APBA1: variants seen among roughly 807,000 people sequenced by gnomAD.
APBA1 encodes amyloid-beta A4 precursor protein-binding family A member 1.
Under a neutral mutation model 86.6 loss-of-function variants are expected in APBA1, and 55 were observed. That is an observed-to-expected ratio of 0.64 (90% CI 0.51 to 0.80). The LOEUF (loss-of-function observed/expected upper bound fraction) is 0.80, where lower values mean the gene tolerates loss of function less well. Ranked by LOEUF, APBA1 falls within the 30% of genes least tolerant of loss-of-function variation. The pLI is 0.00. For synonymous variants in APBA1, 511 were observed against 493.9 expected (o/e 1.03, Z -0.46); for missense variants, 1,090 against 1,183.0 (o/e 0.92, Z 1.15).
intron 1 of APBA1, among the ~76,000 whole-genome samples, chr9:69,663,374 C>A (rs886589197): frequency 3.0e-4 from 45 of 152,352 alleles, no homozygotes; most frequent in African/African-American, 1.0e-3. Flanking sequence ...GAATGCAACC[C>A]ACTTTAGTAA....
intron 1 of APBA1, among the ~76,000 whole-genome samples, chr9:69,518,910 T>C (rs144892017): frequency 1.1e-4 from 16 of 152,284 alleles, no homozygotes; most frequent in African/African-American, 3.6e-4. Flanking sequence ...CAAGTCCACA[T>C]TCAAGCAGAA....
chr9:69,460,636 A>AG (rs1835175495), intron 5 of APBA1: 1 of 151,308 alleles, frequency 6.6e-6, no homozygotes, highest in African/African-American at 2.4e-5. Flanking sequence ...AGGTTCCACC[A>AG]TCACTGGAGT....
At chr9:69,495,699 A>T (rs1042155898) in intron 2 of APBA1, among the ~76,000 whole-genome samples, 1 of 152,068 alleles carries the variant, frequency 6.6e-6, no homozygotes, top group Non-Finnish European at 1.5e-5. Context: ...TCGGCTCTGA[A>T]TTGCTACCAG....
At chr9:69,493,050 C>T (rs1293582644) in intron 2 of APBA1, among the ~76,000 whole-genome samples, 1 of 152,050 alleles carries the variant, frequency 6.6e-6, no homozygotes, top group Non-Finnish European at 1.5e-5. Flanking sequence ...CAATATGCTG[C>T]ATGAGACTAC....
chr9:69,468,550 T>C (rs1371072300), intron 4 of APBA1, among the ~76,000 whole-genome samples: 1 of 152,246 alleles, frequency 6.6e-6, no homozygotes, highest in Non-Finnish European at 1.5e-5. Flanking sequence ...CTGACCTCAA[T>C]TGTGCAAGAC....
chr9:69,584,435 T>C (rs1471127523), intron 1 of APBA1, among the ~76,000 whole-genome samples: 1 of 152,240 alleles, frequency 6.6e-6, no homozygotes, highest in Admixed American at 6.5e-5. Context: ...AAGTGATGTT[T>C]ACTAATGTAC....
chr9:69,611,130 T>C (rs929690823), intron 1 of APBA1, among the ~76,000 whole-genome samples: 1 of 151,920 alleles, frequency 6.6e-6, no homozygotes, highest in South Asian at 2.1e-4. Flanking sequence ...CAACCAACAA[T>C]GTAGACACCT....
chr9:69,639,559 T>C (rs1823244909), intron 1 of APBA1, among the ~76,000 whole-genome samples: 1 of 152,212 alleles, frequency 6.6e-6, no homozygotes, highest in East Asian at 1.9e-4. Flanking sequence ...AGGCTCCTAC[T>C]GTCCAAAATG....
chr9:69,531,223 C>G (rs1176518773), intron 1 of APBA1, among the ~76,000 whole-genome samples: 1 of 152,172 alleles, frequency 6.6e-6, no homozygotes, highest in East Asian at 1.9e-4. Context: ...CCATGACAGA[C>G]AGGACAGTTC....
intron 10 of APBA1, among the ~76,000 whole-genome samples, chr9:69,442,260 G>C (rs1440272897): frequency 6.6e-6 from 1 of 152,206 alleles, no homozygotes; most frequent in African/African-American, 2.4e-5. Context: ...GTATGCAGGA[G>C]GATCATGTTT....
At chr9:69,607,246 G>A (rs1440281874) in intron 1 of APBA1, among the ~76,000 whole-genome samples, 1 of 152,188 alleles carries the variant, frequency 6.6e-6, no homozygotes, top group Non-Finnish European at 1.5e-5. Context: ...CATGGCAGAA[G>A]ATGAAGGAAG....
intron 9 of APBA1, among the ~76,000 whole-genome samples, chr9:69,451,448 C>T (rs887405661): frequency 6.6e-6 from 1 of 152,194 alleles, no homozygotes; most frequent in Non-Finnish European, 1.5e-5. Context: ...GACTTGCAGG[C>T]CCTCCAGTTC....
At chr9:69,598,522 T>C (rs1458616632) in intron 1 of APBA1, among the ~76,000 whole-genome samples, 1 of 151,566 alleles carries the variant, frequency 6.6e-6, no homozygotes, top group Non-Finnish European at 1.5e-5. Flanking sequence ...ACAGGTGTGG[T>C]CCTTCTGGGT....
rs1219920643 is a variant in APBA1, at chr9:69,429,866, GAAACA to G, written c.*1456_*1460del. 5 of 151,954 alleles carry G rather than the reference GAAACA, an allele frequency of 3.3e-5. No homozygotes were observed. Among genetic ancestry groups the G allele is most frequent in the East Asian group, 1.9e-4 (1 of 5,192 alleles). The allele number at this position is 151,954 out of a possible 1,614,324, so 9.4% of individuals were successfully genotyped here. On this transcript the variant is annotated 3_prime_UTR_variant, in exon 13 of 13. Transcript: ENST00000265381. ...CCCTGTCTCTACTGAGGTCATGAAT[GAAACA>G]AAACAAAAGCAAAGCCAAATCACAC...
At chr9:69,440,447 C>T (rs554944643) in intron 11 of APBA1, among the ~76,000 whole-genome samples, 6 of 150,844 alleles carry the variant, frequency 4.0e-5, no homozygotes, top group Non-Finnish European at 7.4e-5. Context: ...CGAGCTTCCC[C>T]GCTGCTTTGT....
intron 2 of APBA1, among the ~76,000 whole-genome samples, chr9:69,496,145 A>G (rs977972514): frequency 1.3e-5 from 2 of 152,110 alleles, no homozygotes; most frequent in African/African-American, 4.8e-5. Flanking sequence ...GCTCTTGGAA[A>G]CAGAGGCAGC....
At chr9:69,672,477 A>AGCGC (rs990391436), upstream of APBA1, among the ~76,000 whole-genome samples, 1 of 140,578 alleles carries the variant, frequency 7.1e-6, no homozygotes, top group Admixed American at 7.1e-5. Context: ...GGCGCGGGGG[A>AGCGC]GCGCGCGCGC....
At chr9:69,629,622 G>A (rs1404262953) in intron 1 of APBA1, among the ~76,000 whole-genome samples, 1 of 152,200 alleles carries the variant, frequency 6.6e-6, no homozygotes, top group African/African-American at 2.4e-5. Context: ...CTGTGCTTCA[G>A]GCAAGCCAAA....
chr9:69,493,898 T>C (rs1207136297), intron 2 of APBA1, among the ~76,000 whole-genome samples: 1 of 152,116 alleles, frequency 6.6e-6, no homozygotes, highest in African/African-American at 2.4e-5. Context: ...ATGTACATTG[T>C]TTCCCTCACT....
Sources: gnomAD v4.1 joint callset for allele counts (sites outside exome capture counted in the v4.1 genomes callset) on GRCh38, gnomAD v4.1.1 for gene constraint, MANE v1.5 for transcripts, NCBI Gene and HGNC (gene_info 2026-07-23, HGNC 2026-07-21) for gene names.